Variants in PDE1C observed in about 807,000 individuals in gnomAD.
PDE1C encodes the protein dual specificity calcium/calmodulin-dependent 3',5'-cyclic nucleotide phosphodiesterase 1C.
PDE1C carries 62 observed loss-of-function variants against 93.1 expected under a neutral mutation model. That is an observed-to-expected ratio of 0.67 (90% confidence interval 0.54 to 0.82). The LOEUF is 0.82. PDE1C is among the 40% of genes least tolerant of loss of function. The pLI is 0.00. For synonymous variants in PDE1C, 325 were observed against 310.1 expected (o/e 1.05, Z -0.50); for missense variants, 742 against 884.6 (o/e 0.84, Z 2.04).
At chr7:31,620,225 T>A in the PDE1C span, among the ~76,000 whole-genome samples, 1 of 151,482 alleles carries the variant, frequency 6.6e-6, no homozygotes, top group African/African-American at 2.4e-5. Context: ...CAGACTTAAA[T>A]GTCCCTGTCT....
At chr7:31,762,671 T>C (rs1307045913) in intron 17 of PDE1C, among the ~76,000 whole-genome samples, 2 of 152,132 alleles carry the variant, frequency 1.3e-5, no homozygotes, top group African/African-American at 4.8e-5. Flanking sequence ...ACCCAGATTC[T>C]CCAAGGACTT....
At chr7:31,769,770 T>C (rs1349993482) in intron 17 of PDE1C, among the ~76,000 whole-genome samples, 1 of 152,222 alleles carries the variant, frequency 6.6e-6, no homozygotes, top group Non-Finnish European at 1.5e-5. Context: ...CCACTCTCTT[T>C]TCTCCCCAGC....
intron 2 of PDE1C, among the ~76,000 whole-genome samples, chr7:31,954,933 C>T (rs1416787127): frequency 2.6e-5 from 4 of 152,316 alleles, no homozygotes; most frequent in Non-Finnish European, 4.4e-5. Flanking sequence ...TACTTGCTTT[C>T]GTCAAGGCTC....
intron 2 of PDE1C, among the ~76,000 whole-genome samples, chr7:31,977,137 C>A (rs1327471037): frequency 6.6e-6 from 1 of 152,142 alleles, no homozygotes; most frequent in East Asian, 1.9e-4. Flanking sequence ...TTGGAACAAT[C>A]CTCAAATTCA....
chr7:32,399,151 T>C (rs529859439), intron 1 of PDE1C, among the ~76,000 whole-genome samples: 1 of 152,226 alleles, frequency 6.6e-6, no homozygotes, highest in African/African-American at 2.4e-5. Context: ...TGGGAAGAGG[T>C]GTGCTCAGTT....
chr7:31,710,830 G>T, the PDE1C span, among the ~76,000 whole-genome samples: 3 of 152,204 alleles, frequency 2.0e-5, no homozygotes, highest in African/African-American at 4.8e-5. Context: ...CTTTGAACTT[G>T]CTATAATATA....
At chr7:32,089,117 A>C (rs2128743513) in intron 3 of PDE1C, among the ~76,000 whole-genome samples, 1 of 152,360 alleles carries the variant, frequency 6.6e-6, no homozygotes, top group South Asian at 2.1e-4. Context: ...GATGGTATCC[A>C]GAGGGCATAT....
At chr7:32,066,106 G>T (rs770400581) in intron 1 of PDE1C, among the ~76,000 whole-genome samples, 20 of 152,184 alleles carry the variant, frequency 1.3e-4, no homozygotes, top group Non-Finnish European at 2.6e-4. Flanking sequence ...GAAAAGCAAA[G>T]CCTCCCTTTC....
intron 2 of PDE1C, among the ~76,000 whole-genome samples, chr7:32,009,718 T>C (rs749911928): frequency 5.9e-5 from 9 of 152,302 alleles, no homozygotes; most frequent in Admixed American, 5.2e-4. Flanking sequence ...AGAAAACGTA[T>C]GCAGACTGGA....
intron 2 of PDE1C, among the ~76,000 whole-genome samples, chr7:31,955,122 A>G (rs755263492): frequency 1.3e-5 from 2 of 152,218 alleles, no homozygotes; most frequent in Non-Finnish European, 2.9e-5. Flanking sequence ...AGTACTACAG[A>G]TATTATTTTG....
At chr7:32,173,797 A>G (rs938846677) in intron 2 of PDE1C, among the ~76,000 whole-genome samples, 2 of 152,192 alleles carry the variant, frequency 1.3e-5, no homozygotes, top group Non-Finnish European at 2.9e-5. Flanking sequence ...TTGTTGTGCC[A>G]GAAGGACAGC....
At chr7:32,001,242 C>G (rs1226111257) in intron 2 of PDE1C, among the ~76,000 whole-genome samples, 2 of 152,160 alleles carry the variant, frequency 1.3e-5, no homozygotes, top group Non-Finnish European at 1.5e-5. Flanking sequence ...ACTTACTGCA[C>G]TTTTGTATGC....
intron 2 of PDE1C, among the ~76,000 whole-genome samples, chr7:31,989,526 G>GTA (rs1242704639): frequency 2.6e-5 from 4 of 152,004 alleles, no homozygotes; most frequent in Admixed American, 6.6e-5. Context: ...TCCATTTGGC[G>GTA]TATATATATG....
At chr7:31,718,687 A>T in the PDE1C span, among the ~76,000 whole-genome samples, 2 of 152,122 alleles carry the variant, frequency 1.3e-5, no homozygotes, top group African/African-American at 4.8e-5. Context: ...GAAGAGGGGG[A>T]ATCCCTGTGT....
At chr7:31,897,666 AG>A (rs1300197935) in intron 2 of PDE1C, among the ~76,000 whole-genome samples, 2 of 152,138 alleles carry the variant, frequency 1.3e-5, no homozygotes, top group Non-Finnish European at 2.9e-5. Flanking sequence ...ACACTCTCTG[AG>A]GACCAGTTAA....
At chr7:31,745,746 T>C in the PDE1C span, among the ~76,000 whole-genome samples, 2,494 of 152,260 alleles carry the variant, frequency 0.016, 58 homozygotes, top group African/African-American at 0.056. Context: ...TGGTGCAAAA[T>C]AGTAATAAGT....
chr7:32,084,225 T>C (rs1292841970), intron 3 of PDE1C, among the ~76,000 whole-genome samples: 3 of 151,942 alleles, frequency 2.0e-5, no homozygotes, highest in Non-Finnish European at 4.4e-5. Context: ...AAACAGACTT[T>C]AAACCAACAA....
intron 2 of PDE1C, among the ~76,000 whole-genome samples, chr7:31,973,785 G>T (rs1811281977): frequency 6.6e-6 from 1 of 152,130 alleles, no homozygotes; most frequent in South Asian, 2.1e-4. Flanking sequence ...TGGTTACGGG[G>T]TCTACATTCT....
intron 1 of PDE1C, among the ~76,000 whole-genome samples, chr7:32,423,757 C>T (rs1174791846): frequency 6.6e-6 from 1 of 152,176 alleles, no homozygotes; most frequent in African/African-American, 2.4e-5. Flanking sequence ...TGCTCTAACA[C>T]TGCTATTTGA....
Sources: gnomAD v4.1 joint callset for allele counts (sites outside exome capture counted in the v4.1 genomes callset) on GRCh38, gnomAD v4.1.1 for gene constraint, MANE v1.5 for transcripts, NCBI Gene and HGNC (gene_info 2026-07-23, HGNC 2026-07-21) for gene names.